ASAP1: variants seen among roughly 807,000 people sequenced by gnomAD.
ASAP1 encodes ArfGAP with SH3 domain, ankyrin repeat and PH domain 1, also known as arf-GAP with SH3 domain, ANK repeat and PH domain-containing protein 1.
Under a neutral mutation model 145.2 loss-of-function variants are expected in ASAP1, and 43 were observed. The ratio of observed to expected loss-of-function variants is 0.30; its 90% confidence interval spans 0.23 to 0.38. The LOEUF is 0.38. Ranked by LOEUF, ASAP1 falls within the 10% of genes least tolerant of loss-of-function variation. ASAP1 has a pLI of 1.00. For synonymous variants in ASAP1, 546 were observed against 515.5 expected, an observed-to-expected ratio of 1.06 and a Z score of -0.80; for missense variants, 1,018 against 1,355.3, an observed-to-expected ratio of 0.75 and a Z score of 3.91.
intron 4 of ASAP1, among the ~76,000 whole-genome samples, chr8:130,218,237 T>C (rs760213771): frequency 6.6e-6 from 1 of 152,026 alleles, no homozygotes; most frequent in Non-Finnish European, 1.5e-5. Context: ...TGGAGACCTA[T>C]GAAAAAAGAA....
intron 5 of ASAP1, chr8:130,208,679 C>A (rs189536940): frequency 6.6e-6 from 1 of 152,130 alleles, no homozygotes; most frequent in African/African-American, 2.4e-5. Flanking sequence ...ATTGCCATTC[C>A]GCAGATGTCA....
At chr8:130,143,147 T>C (rs1480365977) in intron 13 of ASAP1, among the ~76,000 whole-genome samples, 1 of 152,214 alleles carries the variant, frequency 6.6e-6, no homozygotes, top group Non-Finnish European at 1.5e-5. Context: ...GCAGCATCTC[T>C]TTCAAAAGCT....
intron 25 of ASAP1, chr8:130,084,619 T>C (rs1369526190): frequency 6.6e-6 from 1 of 152,152 alleles, no homozygotes; most frequent in South Asian, 2.1e-4. Context: ...TGAATTACTA[T>C]ACAGGCCTTG....
chr8:130,132,437 G>A (rs1469276953), intron 15 of ASAP1, among the ~76,000 whole-genome samples: 1 of 152,082 alleles, frequency 6.6e-6, no homozygotes, highest in Non-Finnish European at 1.5e-5. Context: ...CCATCCTCCT[G>A]TTTCTGTGCC....
intron 1 of ASAP1, among the ~76,000 whole-genome samples, chr8:130,421,684 T>A (rs1829724876): frequency 6.6e-6 from 1 of 152,028 alleles, no homozygotes; most frequent in Non-Finnish European, 1.5e-5. Flanking sequence ...GATGAGAGAC[T>A]CCCACCGAAC....
chr8:130,398,583 T>C (rs181987530), intron 2 of ASAP1, among the ~76,000 whole-genome samples: 389 of 152,224 alleles, frequency 2.6e-3, no homozygotes, highest in Middle Eastern at 0.01. Flanking sequence ...GAAGTGGCAG[T>C]AGCAGTAGTA....
chr8:130,214,805 A>T, intron 4 of ASAP1, 104 bp from the exon 5 acceptor site: 2 of 986,020 alleles, frequency 2.0e-6, no homozygotes, highest in Non-Finnish European at 2.9e-6. Flanking sequence ...GGAAGCATAA[A>T]CTGTATCAAT....
At chr8:130,180,428 C>G (rs1814275650) in intron 8 of ASAP1, among the ~76,000 whole-genome samples, 1 of 152,278 alleles carries the variant, frequency 6.6e-6, no homozygotes, top group South Asian at 2.1e-4. Flanking sequence ...TAAACATACA[C>G]CAATAAAACT....
At chr8:130,190,188 G>A (rs1322693938) in intron 5 of ASAP1, among the ~76,000 whole-genome samples, 1 of 152,186 alleles carries the variant, frequency 6.6e-6, no homozygotes, top group African/African-American at 2.4e-5. Flanking sequence ...TGCTTTGGTT[G>A]TCTGTGCTTT....
chr8:130,402,577 G>A lies in ASAP1; in HGVS notation c.-27-607C>T, dbSNP rs144244960. Among the ~76,000 whole-genome samples the A allele has an allele frequency of 7.0e-4, 107 of 152,224 alleles. 3 individuals carry two copies. In the East Asian group the frequency reaches 0.02, roughly 29 times the overall value. On this transcript the variant is annotated intron_variant, in intron 1 of 29. Coordinates refer to ENST00000518721, the MANE Select transcript of ASAP1 (RefSeq NM_018482.4). Reference sequence around the variant, plus strand: ...TATTTGCAGAATAGAGGGAAACAGAGGTGGGGATATAAAAATAAATTGAGC... The same window carrying A: ...TATTTGCAGAATAGAGGGAAACAGAAGTGGGGATATAAAAATAAATTGAGC...
At chr8:130,105,917 A>AGAAAGTACCAGGATTC (rs1554823624) in intron 24 of ASAP1, among the ~76,000 whole-genome samples, 2 of 152,224 alleles carry the variant, frequency 1.3e-5, no homozygotes, top group Non-Finnish European at 2.9e-5. Context: ...ATAATTAAGA[A>AGAAAGTACCAGGATTC]GAAAGTACCA....
At chr8:130,179,922 G>A (rs769297210) in intron 8 of ASAP1, among the ~76,000 whole-genome samples, 2 of 151,340 alleles carry the variant, frequency 1.3e-5, no homozygotes, top group African/African-American at 2.4e-5. Context: ...AAAGGTTCAT[G>A]AGCACACAAA....
At chr8:130,335,239 G>A (rs758681174) in intron 3 of ASAP1, among the ~76,000 whole-genome samples, 20 of 152,156 alleles carry the variant, frequency 1.3e-4, no homozygotes, top group Non-Finnish European at 2.6e-4. Flanking sequence ...CCATGAGGAT[G>A]ACCATTAATT....
At chr8:130,138,766 G>A (rs1031727634) in intron 13 of ASAP1, among the ~76,000 whole-genome samples, 1 of 151,058 alleles carries the variant, frequency 6.6e-6, no homozygotes, top group Non-Finnish European at 1.5e-5. Context: ...AACTTGGGAG[G>A]TGGAGGTTGC....
intron 3 of ASAP1, among the ~76,000 whole-genome samples, chr8:130,311,855 G>C (rs1823374907): frequency 6.6e-6 from 1 of 150,812 alleles, no homozygotes; most frequent in African/African-American, 2.4e-5. Context: ...TGTCAAGCTA[G>C]ATGGTTAAAA....
chr8:130,100,463 G>A (rs1317284817), intron 24 of ASAP1, among the ~76,000 whole-genome samples: 1 of 151,980 alleles, frequency 6.6e-6, no homozygotes, highest in Non-Finnish European at 1.5e-5. Context: ...CCGAGTAGCT[G>A]GGATTACAGG....
Position 130,126,004 on chromosome 8 carries a change from A to G in ASAP1, c.1467T>C (p.Ser489=). The G allele has an allele frequency of 5.0e-6, 8 of 1,614,104 alleles. No individual in the cohort carries two copies. Among genetic ancestry groups the G allele is most frequent in the Non-Finnish European group, 6.8e-6 (8 of 1,179,984 alleles). Residue 489 remains serine (S), a synonymous_variant, in exon 17 of 30, where the codon TCT becomes TCC. Coordinates refer to ENST00000518721, the MANE Select transcript of ASAP1 (RefSeq NM_018482.4). ...GIHREMGVHI[S]RIQSLELDKL... ...TGTCTAGTTCCAAAGACTGAATGCGAGAAATATGAACCCCCATTTCCCTAT... is the reference window on the plus strand; with the variant it reads ...TGTCTAGTTCCAAAGACTGAATGCGGGAAATATGAACCCCCATTTCCCTAT...
chr8:130,086,709 T>TG (rs1195061165), intron 25 of ASAP1, among the ~76,000 whole-genome samples: 1 of 151,972 alleles, frequency 6.6e-6, no homozygotes, highest in East Asian at 1.9e-4. Context: ...GAGACTGAGG[T>TG]GGGAAGATAG....
At chr8:130,253,004 C>T (rs1819297697) in intron 3 of ASAP1, among the ~76,000 whole-genome samples, 2 of 152,130 alleles carry the variant, frequency 1.3e-5, no homozygotes, top group South Asian at 4.1e-4. Flanking sequence ...TTCTAAGATC[C>T]TATAATGTCC....
Sources: gnomAD v4.1 joint callset for allele counts (sites outside exome capture counted in the v4.1 genomes callset) on GRCh38, gnomAD v4.1.1 for gene constraint, MANE v1.5 for transcripts, NCBI Gene and HGNC (gene_info 2026-07-23, HGNC 2026-07-21) for gene names.